The following SPOCK3 variants were observed in gnomAD, a reference collection of about 807,000 sequenced individuals.
SPOCK3 encodes the protein SPARC (osteonectin), cwcv and kazal like domains proteoglycan 3.
A neutral mutation model predicts 56.6 loss-of-function variants in SPOCK3; 30 were observed. The observed-to-expected ratio is 0.53, with a 90% CI of 0.40 to 0.72. The LOEUF is 0.72. SPOCK3 is among the 30% of genes least tolerant of loss of function. The pLI is 0.00. For missense variants in SPOCK3, 527 were observed against 530.0 expected (o/e 0.99, Z 0.06); for synonymous variants, 196 against 183.3 (o/e 1.07, Z -0.56).
At chr4:167,155,697 G>T (rs1012724598) in intron 2 of SPOCK3, among the ~76,000 whole-genome samples, 6 of 152,094 alleles carry the variant, frequency 3.9e-5, no homozygotes, top group Admixed American at 3.3e-4. Context: ...AACATAGAAA[G>T]GCTTGAAAGG....
intron 4 of SPOCK3, among the ~76,000 whole-genome samples, chr4:166,997,557 C>A (rs1264909942): frequency 6.6e-6 from 1 of 152,110 alleles, no homozygotes; most frequent in East Asian, 1.9e-4. Flanking sequence ...TTACAAATGG[C>A]AGCTGTTTTA....
At chr4:167,202,373 A>C (rs1412662088) in intron 2 of SPOCK3, among the ~76,000 whole-genome samples, 1 of 151,980 alleles carries the variant, frequency 6.6e-6, no homozygotes. Context: ...TAGACATGAG[A>C]GAAAGAAAAA....
At chr4:166,871,911 CA>C (rs1447991938) in intron 6 of SPOCK3, among the ~76,000 whole-genome samples, 1 of 149,804 alleles carries the variant, frequency 6.7e-6, no homozygotes, top group Non-Finnish European at 1.5e-5. Flanking sequence ...ATTAGAATAC[CA>C]AATAAGAAAA....
intron 2 of SPOCK3, among the ~76,000 whole-genome samples, chr4:167,166,135 A>C (rs935463111): frequency 6.6e-6 from 1 of 152,110 alleles, no homozygotes; most frequent in African/African-American, 2.4e-5. Flanking sequence ...TACTACTGTT[A>C]TAAAACTTGT....
chr4:166,992,490 T>C (rs1240807641), intron 4 of SPOCK3, among the ~76,000 whole-genome samples: 1 of 152,176 alleles, frequency 6.6e-6, no homozygotes, highest in Admixed American at 6.6e-5. Context: ...TTATTCTTAA[T>C]AGGCAGCTAG....
rs764945419 is a variant in SPOCK3, at chr4:167,234,112, G to A, written c.62C>T (p.Ala21Val). 32 of 1,613,860 alleles carry A rather than the reference G, an allele frequency of 2.0e-5. No individual in the cohort carries two copies. The highest frequency in any genetic ancestry group is 2.7e-5 in the Non-Finnish European group (32 of 1,179,998). ...GGCTGCAGCCACCGCCGCGGCAGCTGCGAGAGACTGACTGCACCAAGCGGC... is the reference window on the plus strand; with the variant it reads ...GGCTGCAGCCACCGCCGCGGCAGCTACGAGAGACTGACTGCACCAAGCGGC... ...CAAAWCSQSL[A>V]AAAAVAAAGG... Residue 21 changes from alanine to valine, a missense_variant, in exon 2 of 11, where the codon GCA becomes GTA. By Grantham distance (64) the Ala-to-Val change is moderately conservative. Transcript: ENST00000357545.
intron 6 of SPOCK3, among the ~76,000 whole-genome samples, chr4:166,864,670 G>A (rs184034684): frequency 3.9e-5 from 6 of 151,922 alleles, no homozygotes; most frequent in South Asian, 2.1e-4. Flanking sequence ...ACAAATAAAC[G>A]AGAAAATCTA....
At chr4:166,983,005 A>G (rs780754644) in intron 4 of SPOCK3, among the ~76,000 whole-genome samples, 1 of 151,848 alleles carries the variant, frequency 6.6e-6, no homozygotes. Context: ...GTAAGGAAGA[A>G]TTGTACAACT....
intron 6 of SPOCK3, among the ~76,000 whole-genome samples, chr4:166,880,992 T>C (rs1417618187): frequency 6.6e-6 from 1 of 152,180 alleles, no homozygotes; most frequent in African/African-American, 2.4e-5. Context: ...ATCTTTGTTA[T>C]ATTATTCCCT....
chr4:167,161,259 C>T (rs904726569), intron 2 of SPOCK3, among the ~76,000 whole-genome samples: 1 of 152,152 alleles, frequency 6.6e-6, no homozygotes, highest in Non-Finnish European at 1.5e-5. Flanking sequence ...CAAAAGAAGA[C>T]ATTTATGCAG....
intron 7 of SPOCK3, among the ~76,000 whole-genome samples, chr4:166,764,436 C>T (rs7694683): frequency 0.33 from 50,069 of 151,606 alleles, 8,420 homozygotes; most frequent in Admixed American, 0.42. Context: ...TGAGAACATG[C>T]GGTGTTTGGT....
chr4:166,942,937 A>G (rs1038425448), intron 4 of SPOCK3, among the ~76,000 whole-genome samples: 2 of 152,176 alleles, frequency 1.3e-5, no homozygotes, highest in African/African-American at 4.8e-5. Context: ...GAAGCTGTTT[A>G]TATTAGTTAG....
chr4:167,212,920 C>G (rs1488489871), intron 2 of SPOCK3, among the ~76,000 whole-genome samples: 2 of 152,090 alleles, frequency 1.3e-5, no homozygotes, highest in Non-Finnish European at 2.9e-5. Context: ...AGCTACATGA[C>G]AAAATACAAA....
In SPOCK3 at chr4:166,754,744, A is replaced by G; in HGVS notation, c.710-15T>C. ...GGTATCGAATCCTAAAGGCAAAAAA[A>G]AGAAAATGATTAGTTAAATATGAAA... On this transcript the variant is annotated splice_polypyrimidine_tract_variant and intron_variant, in intron 7 of 10. Transcript: ENST00000357545. 4 of 1,612,438 alleles carry G rather than the reference A, an allele frequency of 2.5e-6. No homozygotes were observed. The highest frequency in any genetic ancestry group is 3.4e-6 in the Non-Finnish European group (4 of 1,179,204).
intron 2 of SPOCK3, among the ~76,000 whole-genome samples, chr4:167,096,508 T>C (rs1759166984): frequency 6.6e-6 from 1 of 151,870 alleles, no homozygotes; most frequent in Non-Finnish European, 1.5e-5. Flanking sequence ...ACTTCTCCTT[T>C]GACCCATATG....
chr4:166,977,426 A>G (rs1042237990), intron 4 of SPOCK3, among the ~76,000 whole-genome samples: 1 of 82,912 alleles, frequency 1.2e-5, no homozygotes, highest in Non-Finnish European at 3.1e-5. Flanking sequence ...GATAATTATT[A>G]AGTAGGCAAG....
In SPOCK3 at chr4:167,220,507, A is replaced by G. The variant is rs952408685; in HGVS notation, c.189+13478T>C. 3.3e-5 allele frequency among the ~76,000 whole-genome samples: 5 copies of G among 150,890 alleles called. No individual in the cohort carries two copies. The South Asian group carries it at 1.0e-3, about 31-fold the overall frequency. ...ATCCTCCCACCTCAGCCTCTTGAAT[A>G]GCTGGGACAATAGGCATGTGCCACC... On this transcript the variant is annotated intron_variant, in intron 2 of 10. Coordinates refer to ENST00000357545, the MANE Select transcript of SPOCK3 (RefSeq NM_001040159.2).
chr4:167,089,250 A>G (rs978501231), intron 2 of SPOCK3, among the ~76,000 whole-genome samples: 1 of 152,292 alleles, frequency 6.6e-6, no homozygotes, highest in East Asian at 1.9e-4. Flanking sequence ...AACAAAAACT[A>G]CAAGAAAATA....
At chr4:167,145,014 C>T (rs1019419626) in intron 2 of SPOCK3, among the ~76,000 whole-genome samples, 1 of 151,674 alleles carries the variant, frequency 6.6e-6, no homozygotes, top group Non-Finnish European at 1.5e-5. Context: ...AAAAAAAAAA[C>T]TGTAACACAG....
Sources: gnomAD v4.1 joint callset for allele counts (sites outside exome capture counted in the v4.1 genomes callset) on GRCh38, gnomAD v4.1.1 for gene constraint, MANE v1.5 for transcripts, NCBI Gene and HGNC (gene_info 2026-07-23, HGNC 2026-07-21) for gene names.